GCM2: variants seen among roughly 807,000 people sequenced by gnomAD.
GCM2 encodes the protein chorion-specific transcription factor GCMb.
GCM2 carries 21 observed loss-of-function variants against 24.8 expected under a neutral mutation model. That is an observed-to-expected ratio of 0.85 (90% CI 0.60 to 1.22). The LOEUF (loss-of-function observed/expected upper bound fraction) is 1.22. GCM2 is among the 50% of genes most tolerant of loss of function. The pLI is 0.00. For synonymous variants in GCM2, 222 were observed against 238.0 expected, an observed-to-expected ratio of 0.93 and a Z score of 0.62; for missense variants, 532 against 645.6, an observed-to-expected ratio of 0.82 and a Z score of 1.91.
chr6:10,874,139 G>A lies in GCM2; in HGVS notation c.1377C>T (p.Pro459=). The change falls in exon 5 of 5, where the codon CCC becomes CCT. Residue 459 remains proline (P), a synonymous_variant. Transcript: ENST00000379491. ...KIAGDCRAIR[P]TVAIPHEPVS... ...CTGGCTCGTGGGGAATAGCCACAGT[G>A]GGTCTGATGGCCCGGCAATCTCCTG... 2 of 1,614,178 alleles carry A rather than the reference G, an allele frequency of 1.2e-6. No individual in the cohort carries two copies. The highest frequency in any genetic ancestry group is 1.3e-5 in the African/African-American group (1 of 75,048).
intron 1 of GCM2, among the ~76,000 whole-genome samples, chr6:10,880,354 T>G (rs1779941607): frequency 6.6e-6 from 1 of 152,008 alleles, no homozygotes; most frequent in East Asian, 1.9e-4. Context: ...TCCAAAAAAG[T>G]GCTGACCTCT....
chr6:10,880,365 A>C (rs1779941709), intron 1 of GCM2, among the ~76,000 whole-genome samples: 1 of 152,246 alleles, frequency 6.6e-6, no homozygotes, highest in Non-Finnish European at 1.5e-5. Context: ...GCTGACCTCT[A>C]TGAGAGGCGA....
intron 1 of GCM2, among the ~76,000 whole-genome samples, chr6:10,878,738 A>C (rs1337939483): frequency 3.3e-5 from 5 of 152,224 alleles, no homozygotes; most frequent in African/African-American, 7.2e-5. Context: ...TATAATTCTC[A>C]CAACATCTTT....
chr6:10,876,164 A>G, intron 3 of GCM2, 148 bp from the exon 4 acceptor site: 1 of 825,254 alleles, frequency 1.2e-6, no homozygotes, highest in South Asian at 1.5e-5. Context: ...TTGAACAAAT[A>G]AAACAGGCTC....
rs1224827649 is a variant in GCM2 at position 10,874,412 on chromosome 6, GTACC to G, written c.1100_1103del (p.Arg367ThrfsTer15). ...GGGCACCTGGTGGTGGAGTCGTGAG[GTACC>G]TGCAGGGAAGCTCTGGGTTATAATA... On this transcript the variant is annotated frameshift_variant, in exon 5 of 5. Transcript: ENST00000379491. LOFTEE classifies it low-confidence loss of function (END_TRUNC). 4 of 1,614,088 alleles carry G rather than the reference GTACC, an allele frequency of 2.5e-6. No homozygotes were observed. The East Asian group carries it at 8.9e-5, about 36-fold the overall frequency.
In GCM2 at chr6:10,874,778, G is replaced by A. The variant is rs1779853911; in HGVS notation, c.738C>T (p.Asp246=). ...TTTTGTCTCCTTGAAAGGTGGCTAG[G>A]TCACAGGTAGCTTTGTAAACATCAG... The part of the protein sequence containing the change: ...PKSDVYKATC[D]LATFQGDKMP... The change falls in exon 5 of 5, where the codon GAC becomes GAT. Residue 246 remains aspartate (D), a synonymous_variant. Coordinates refer to ENST00000379491, the MANE Select transcript of GCM2 (RefSeq NM_004752.4). 1 of 1,613,932 alleles carries A rather than the reference G, an allele frequency of 6.2e-7. No individual in the cohort carries two copies.
At chr6:10,874,974 C>T (rs369400815) in intron 4 of GCM2, 41 bp from the exon 5 acceptor site, 73 of 1,337,672 alleles carry the variant, frequency 5.5e-5, no homozygotes, top group South Asian at 1.6e-4. Context: ...CTATGTAAAT[C>T]GTGTGGACAC....
At chr6:10,881,574 G>C in intron 1 of GCM2, 130 bp downstream of exon 1, 2 of 509,900 alleles carry the variant, frequency 3.9e-6, no homozygotes, top group East Asian at 5.6e-5. Flanking sequence ...GTGTGTGTGT[G>C]TGTGTGTGTG....
At chr6:10,880,732 G>A (rs1192256111) in intron 1 of GCM2, among the ~76,000 whole-genome samples, 1 of 152,148 alleles carries the variant, frequency 6.6e-6, no homozygotes, top group Admixed American at 6.5e-5. Flanking sequence ...CACCCTAAAA[G>A]AATGATGATT....
Position 10,874,594 on chromosome 6 carries a change from T to G in GCM2, c.922A>C (p.Asn308His), listed in dbSNP as rs1779850552. 6.2e-7 allele frequency: 1 copy of G among 1,613,542 alleles called. No homozygotes were observed. The highest frequency in any genetic ancestry group is 8.5e-7 in the Non-Finnish European group (1 of 1,179,412). Residue 308 changes from asparagine (N) to histidine (H), a missense_variant, in exon 5 of 5, where the codon AAC (asparagine) becomes CAC (histidine). By Grantham distance (68) the Asn-to-His change is moderately conservative. Coordinates refer to ENST00000379491, the MANE Select transcript of GCM2 (RefSeq NM_004752.4). Reference sequence around the variant, plus strand: ...GAATTGACATTACATTGTAGTGTGTTCAGATGAACCCAGTCTGTGTCATTA... The same window carrying G: ...GAATTGACATTACATTGTAGTGTGTGCAGATGAACCCAGTCTGTGTCATTA... ...IPNDTDWVHLNTLQCNVNSYS... is the reference protein window; with the variant it reads ...IPNDTDWVHLHTLQCNVNSYS...
Position 10,881,942 on chromosome 6 carries a change from C to T in GCM2, c.-149G>A, listed in dbSNP as rs2275387. 0.12 allele frequency: 85,390 copies of T among 702,954 alleles called. 9,762 individuals carry two copies. The highest frequency in any genetic ancestry group is 0.48 in the African/African-American group (27,133 of 56,686). The allele number at this position is 702,954 out of a possible 1,614,324, so 43.5% of individuals were successfully genotyped here. ...GCAGAGAGAGAGAAAGAGAGAGAGG[C>T]TGTTTAGATATCTGGAAGCTGGGGA... is the stretch of plus-strand genomic sequence containing the variant. On this transcript the variant is annotated 5_prime_UTR_variant, in exon 1 of 5. Transcript: ENST00000379491.
intron 1 of GCM2, among the ~76,000 whole-genome samples, chr6:10,881,059 G>T (rs1044735649): frequency 1.6e-4 from 24 of 152,256 alleles, no homozygotes; most frequent in African/African-American, 5.8e-4. Flanking sequence ...CTCTCCCCAA[G>T]ACTGGGAATG....
Position 10,874,752 on chromosome 6 carries a change from A to C in GCM2, c.764T>G (p.Met255Arg). ...CDLATFQGDKMPPFQKYSSPR... is the reference protein window; with the variant it reads ...CDLATFQGDKRPPFQKYSSPR... ...GCTTGAGTATTTCTGGAAGGGTGGC[A>C]TTTTGTCTCCTTGAAAGGTGGCTAG... is the stretch of plus-strand genomic sequence containing the variant. The change falls in exon 5 of 5, where the codon ATG becomes AGG. Residue 255 changes from methionine (M) to arginine (R), a missense_variant. This residue lies in a region of GCM2 where 434 missense variants were observed against 521.9 expected (regional missense o/e 0.83). Coordinates refer to ENST00000379491, the MANE Select transcript of GCM2 (RefSeq NM_004752.4). 6.2e-7 allele frequency: 1 copy of C among 1,614,066 alleles called. No individual in the cohort carries two copies. The highest frequency in any genetic ancestry group is 1.1e-5 in the South Asian group (1 of 91,084).
chr6:10,875,080 A>C (rs1779858298), intron 4 of GCM2, 147 bp from the exon 5 acceptor site: 1 of 696,774 alleles, frequency 1.4e-6, no homozygotes, highest in African/African-American at 1.8e-5. Context: ...TACGTGATGT[A>C]AGCACGTGGT....
chr6:10,877,588 T>C lies in GCM2; in HGVS notation c.91-196A>G, dbSNP rs78604778. Among the ~76,000 whole-genome samples the C allele has an allele frequency of 6.5e-3, 986 of 152,384 alleles. 24 individuals carry two copies. The East Asian group carries it at 0.075, about 12-fold the overall frequency. On this transcript the variant is annotated intron_variant, in intron 1 of 4. Transcript: ENST00000379491. ...ATAATTAATGTTTATATAGTGCTTATCTGTTAAATGCTATACATGTATTAG... is the reference window on the plus strand; with the variant it reads ...ATAATTAATGTTTATATAGTGCTTACCTGTTAAATGCTATACATGTATTAG...
In GCM2 at chr6:10,873,853, CAGTT is replaced by C. The variant is rs1282362179; in HGVS notation, c.*138_*141del. The C allele has an allele frequency of 4.2e-6, 3 of 718,936 alleles. No individual in the cohort carries two copies. The highest frequency in any genetic ancestry group is 7.4e-6 in the Non-Finnish European group (3 of 404,216). The allele number at this position is 718,936 out of a possible 1,614,324, so 44.5% of individuals were successfully genotyped here. On this transcript the variant is annotated 3_prime_UTR_variant, in exon 5 of 5. Transcript: ENST00000379491. ...AATCATTTCCAACTGATTATTTTCT[CAGTT>C]ACTCAGAATTTTTACTACTATCTGT...
intron 1 of GCM2, 104 bp downstream of exon 1, chr6:10,881,599 TG>T: frequency 1.3e-5 from 8 of 598,614 alleles, no homozygotes; most frequent in Admixed American, 2.2e-5. Flanking sequence ...TGTGTGTGTG[TG>T]TGTGTGTATG....
At chr6:10,876,112 A>G (rs1779874155) in intron 3 of GCM2, 96 bp from the exon 4 acceptor site, 2 of 1,289,596 alleles carry the variant, frequency 1.6e-6, no homozygotes, top group African/African-American at 2.9e-5. Context: ...ACATCTCAAG[A>G]GTTTAGTTTT....
chr6:10,877,080 C>A (rs1779893297), intron 2 of GCM2, 60 bp downstream of exon 2: 1 of 1,590,352 alleles, frequency 6.3e-7, no homozygotes, highest in Non-Finnish European at 8.5e-7. Flanking sequence ...CAAACAAAAA[C>A]AACAACAACA....
Sources: gnomAD v4.1 joint callset for allele counts (sites outside exome capture counted in the v4.1 genomes callset) on GRCh38, gnomAD v4.1.1 for gene constraint, gnomAD v4.1.1 regional missense constraint, MANE v1.5 for transcripts, NCBI Gene and HGNC (gene_info 2026-07-23, HGNC 2026-07-21) for gene names.